The following B4GALT6 variants were observed in gnomAD, a reference collection of about 807,000 sequenced individuals.
B4GALT6 encodes UDP-Gal:beta-GlcNAc beta-1,4-galactosyltransferase 6.
Under a neutral mutation model 46.3 loss-of-function variants are expected in B4GALT6, and 14 were observed. The ratio of observed to expected loss-of-function variants is 0.30; its 90% CI spans 0.20 to 0.47. B4GALT6 has a LOEUF of 0.47. Ranked by LOEUF, B4GALT6 falls within the 20% of genes least tolerant of loss-of-function variation. The pLI, the probability that B4GALT6 is intolerant of heterozygous loss-of-function variation, is 0.99. For synonymous variants in B4GALT6, 168 were observed against 162.0 expected (o/e 1.04, Z -0.28); for missense variants, 386 against 480.1 (o/e 0.80, Z 1.83).
Position 31,627,113 on chromosome 18 carries a change from T to C in B4GALT6, c.785A>G (p.Tyr262Cys), listed in dbSNP as rs1247635597. 3 of 1,595,674 alleles carry C rather than the reference T, an allele frequency of 1.9e-6. No individual in the cohort carries two copies. Among genetic ancestry groups the C allele is most frequent in the South Asian group, 2.3e-5 (2 of 86,442 alleles). ...ACTTACACCACCAAAAAATTCTTTA[T>C]ATGGAAGACTAGAAAAGAAAGACAC... Reference protein sequence around the residue: ...KLDKYMYILPYKEFFGGVSGL... With the variant: ...KLDKYMYILPCKEFFGGVSGL... The change falls in exon 7 of 9, where the codon TAT (tyrosine) becomes TGT (cysteine). Residue 262 changes from tyrosine (Y) to cysteine (C), a missense_variant. Tyr to Cys is a radical substitution (Grantham distance 194). Transcript: ENST00000306851.
At chr18:31,629,058 A>T (rs891065769) in intron 6 of B4GALT6, among the ~76,000 whole-genome samples, 1 of 152,180 alleles carries the variant, frequency 6.6e-6, no homozygotes, top group African/African-American at 2.4e-5. Flanking sequence ...ACTTCCACTT[A>T]ATGGACAGTA....
At chr18:31,703,216 G>A in the B4GALT6 span, among the ~76,000 whole-genome samples, 1 of 152,180 alleles carries the variant, frequency 6.6e-6, no homozygotes. Context: ...AAAAGAGGGG[G>A]AAAAAACAAT....
intron 3 of B4GALT6, among the ~76,000 whole-genome samples, chr18:31,650,057 C>G (rs1003265492): frequency 6.6e-6 from 1 of 152,238 alleles, no homozygotes; most frequent in Non-Finnish European, 1.5e-5. Flanking sequence ...GACTGGCTTT[C>G]AACTCTGACA....
In B4GALT6 at chr18:31,625,069, T is replaced by G. The variant is rs2073670910; in HGVS notation, c.*545A>C. On this transcript the variant is annotated 3_prime_UTR_variant, in exon 9 of 9. Transcript: ENST00000306851. ...AAAGCTCAAAACTAGTATAACAGTT[T>G]ACTGTATTAGTTGGCTGTCAATTAT... 6.5e-6 allele frequency: 1 copy of G among 152,674 alleles called. No individual in the cohort carries two copies. The highest frequency in any genetic ancestry group is 2.1e-4 in the South Asian group (1 of 4,836). 9.5% of individuals were successfully genotyped at this position (152,674 alleles called of 1,614,324 possible).
intron 1 of B4GALT6, among the ~76,000 whole-genome samples, chr18:31,674,845 A>T (rs1440963338): frequency 6.6e-6 from 1 of 152,010 alleles, no homozygotes; most frequent in Non-Finnish European, 1.5e-5. Flanking sequence ...AGGATGTGCC[A>T]GGCTGTTTAA....
At chr18:31,684,779 A>T, upstream of B4GALT6, 1 of 1,062,134 alleles carries the variant, frequency 9.4e-7, no homozygotes, top group Non-Finnish European at 1.1e-6. Context: ...GAGGGGCTGC[A>T]GGTGGGAGGA....
rs975948843 is a variant in B4GALT6, at chr18:31,625,276, T to A, written c.*338A>T. On this transcript the variant is annotated 3_prime_UTR_variant, in exon 9 of 9. Coordinates refer to ENST00000306851, the MANE Select transcript of B4GALT6 (RefSeq NM_004775.5). ...CACACATTAATTTATATCACATATA[T>A]ACAAAATATGTTTAAACGGAAATAA... The A allele has an allele frequency of 2.3e-5, 5 of 219,076 alleles. No individual in the cohort carries two copies. Among genetic ancestry groups the A allele is most frequent in the African/African-American group, 1.2e-4 (5 of 43,300 alleles). 13.6% of individuals were successfully genotyped at this position (219,076 alleles called of 1,614,324 possible).
the B4GALT6 span, among the ~76,000 whole-genome samples, chr18:31,711,942 G>A: frequency 6.6e-6 from 1 of 152,076 alleles, no homozygotes; most frequent in African/African-American, 2.4e-5. Context: ...ACAGGCCTCT[G>A]TTCTCTCCTG....
intron 1 of B4GALT6, among the ~76,000 whole-genome samples, chr18:31,675,949 T>C (rs950172637): frequency 1.3e-5 from 2 of 152,124 alleles, no homozygotes; most frequent in Admixed American, 6.5e-5. Flanking sequence ...GAATTCCAAC[T>C]TAGTATTCAT....
At chr18:31,700,752 G>A in the B4GALT6 span, among the ~76,000 whole-genome samples, 533 of 152,092 alleles carry the variant, frequency 3.5e-3, 2 homozygotes, top group African/African-American at 0.012. Flanking sequence ...CACCGCGCCC[G>A]GCCAAAATTG....
intron 3 of B4GALT6, among the ~76,000 whole-genome samples, chr18:31,646,860 G>C (rs947019418): frequency 4.6e-5 from 7 of 152,148 alleles, no homozygotes; most frequent in African/African-American, 9.7e-5. Flanking sequence ...GAATAAGTTA[G>C]AAAAAGAATT....
chr18:31,633,113 C>T (rs1598870763), intron 5 of B4GALT6, among the ~76,000 whole-genome samples: 4 of 152,162 alleles, frequency 2.6e-5, no homozygotes, highest in Admixed American at 2.6e-4. Flanking sequence ...GTCAATTTGG[C>T]TGGGTAAAAA....
At chr18:31,653,099 A>G (rs2074094846) in intron 3 of B4GALT6, among the ~76,000 whole-genome samples, 1 of 151,406 alleles carries the variant, frequency 6.6e-6, no homozygotes, top group African/African-American at 2.4e-5. Context: ...TCATAAATCA[A>G]CTGTCTGCAT....
At chr18:31,657,804 C>T (rs1313537888) in intron 3 of B4GALT6, among the ~76,000 whole-genome samples, 172 bp downstream of exon 3, 4 of 152,090 alleles carry the variant, frequency 2.6e-5, no homozygotes, top group South Asian at 2.1e-4. Flanking sequence ...CTTCAAAATG[C>T]GCTTTGCCAA....
chr18:31,675,128 T>A (rs909714120), intron 1 of B4GALT6, among the ~76,000 whole-genome samples: 1 of 152,188 alleles, frequency 6.6e-6, no homozygotes, highest in Admixed American at 6.5e-5. Context: ...TACTAAAAAC[T>A]GACAAGAAAT....
At chr18:31,679,870 A>C (rs2074459738) in intron 1 of B4GALT6, among the ~76,000 whole-genome samples, 1 of 152,200 alleles carries the variant, frequency 6.6e-6, no homozygotes, top group Non-Finnish European at 1.5e-5. Flanking sequence ...CTGTTTCTTC[A>C]AACCTACTAT....
At chr18:31,662,957 T>A (rs941414863) in intron 2 of B4GALT6, among the ~76,000 whole-genome samples, 2 of 152,202 alleles carry the variant, frequency 1.3e-5, no homozygotes, top group Non-Finnish European at 2.9e-5. Flanking sequence ...TTTTAAAAGG[T>A]TATGTATGAC....
chr18:31,626,927 G>A (rs2073706548), intron 7 of B4GALT6, 72 bp downstream of exon 7: 3 of 1,307,940 alleles, frequency 2.3e-6, no homozygotes, highest in Non-Finnish European at 3.2e-6. Context: ...GAATGGATAA[G>A]TACTACAATT....
Position 31,624,896 on chromosome 18 carries a change from GT to G in B4GALT6, c.*717del, listed in dbSNP as rs1276820911. On this transcript the variant is annotated 3_prime_UTR_variant, in exon 9 of 9. Transcript: ENST00000306851. Reference sequence around the variant, plus strand: ...TCATGCAATATGCATAAACAATATGGTTGTGATTTCTAGCAAAATCAGATGA... The same window carrying G: ...TCATGCAATATGCATAAACAATATGGTGTGATTTCTAGCAAAATCAGATGA... 1.3e-5 allele frequency: 2 copies of G among 152,570 alleles called. No homozygotes were observed. The highest frequency in any genetic ancestry group is 2.9e-5 in the Non-Finnish European group (2 of 68,014). 9.5% of individuals were successfully genotyped at this position (152,570 alleles called of 1,614,324 possible). A position where few individuals can be genotyped will look rare whatever the true frequency, so the allele number is the denominator to read the frequency against.
Sources: gnomAD v4.1 joint callset for allele counts (sites outside exome capture counted in the v4.1 genomes callset) on GRCh38, gnomAD v4.1.1 for gene constraint, MANE v1.5 for transcripts, NCBI Gene and HGNC (gene_info 2026-07-23, HGNC 2026-07-21) for gene names.